The following CSE1L variants were observed in gnomAD, a reference collection of about 807,000 sequenced individuals.
The protein encoded by CSE1L is exportin-2.
CSE1L carries 24 observed loss-of-function variants against 120.4 expected under a neutral mutation model. The ratio of observed to expected loss-of-function variants is 0.20; its 90% CI spans 0.14 to 0.28. CSE1L has a LOEUF of 0.28. Among genes scored for constraint, CSE1L ranks in the 10% least tolerant of loss-of-function variants. The pLI is 1.00. For missense variants in CSE1L, 830 were observed against 1,145.2 expected (o/e 0.72, Z 3.97); for synonymous variants, 402 against 398.3 (o/e 1.01, Z -0.11).
intron 6 of CSE1L, among the ~76,000 whole-genome samples, chr20:49,067,570 T>C (rs2091902546): frequency 2.0e-5 from 3 of 152,158 alleles, no homozygotes; most frequent in Admixed American, 1.3e-4. Context: ...TTTTAAAGTA[T>C]GTGTCTCTAA....
Position 49,072,308 on chromosome 20 carries a change from T to C in CSE1L, c.791T>C (p.Leu264Ser). 6.2e-7 allele frequency: 1 copy of C among 1,614,168 alleles called. No homozygotes were observed. The highest frequency in any genetic ancestry group is 1.1e-5 in the South Asian group (1 of 91,088). The change falls in exon 9 of 25, where the codon TTG becomes TCG. Residue 264 changes from leucine (L) to serine (S), a missense_variant. Coordinates refer to ENST00000262982, the MANE Select transcript of CSE1L (RefSeq NM_001316.4). ...GAGGATGAAGAGGAAGCCGGCTTAT[T>C]GGAGCTCTTAAAATCCCAGATTTGT... ...QTDDEEEAGL[L>S]ELLKSQICDN... is the part of the protein sequence containing the mutation.
intron 5 of CSE1L, 28 bp from the exon 6 acceptor site, chr20:49,067,162 A>G (rs780113850): frequency 4.1e-6 from 6 of 1,459,576 alleles, no homozygotes; most frequent in Admixed American, 1.8e-5. Context: ...AAACTTGTAA[A>G]TTTATCTGTT....
chr20:49,076,213 G>T (rs1006241263), intron 12 of CSE1L, among the ~76,000 whole-genome samples: 1 of 152,010 alleles, frequency 6.6e-6, no homozygotes, highest in African/African-American at 2.4e-5. Flanking sequence ...TTGAGACGGA[G>T]TTTCGCTCTT....
At chr20:49,093,735 A>G (rs927144244) in intron 22 of CSE1L, among the ~76,000 whole-genome samples, 6 of 151,588 alleles carry the variant, frequency 4.0e-5, no homozygotes, top group Non-Finnish European at 8.8e-5. Context: ...TGGCCAACAC[A>G]ATGAAACCCC....
intron 6 of CSE1L, 138 bp from the exon 7 acceptor site, chr20:49,068,577 C>T (rs890127146): frequency 2.6e-5 from 15 of 586,736 alleles, no homozygotes; most frequent in South Asian, 4.4e-5. Flanking sequence ...CCAGCCTGGA[C>T]GACAGAGCAA....
In CSE1L at chr20:49,077,124, A is replaced by G. The variant is rs1489279990; in HGVS notation, c.1420+60A>G. The G allele has an allele frequency of 1.3e-5, 13 of 988,090 alleles. No individual in the cohort carries two copies. In the Admixed American group the frequency reaches 3.3e-4, roughly 25 times the overall value. The allele number at this position is 988,090 out of a possible 1,614,324, so 61.2% of individuals were successfully genotyped here. On this transcript the variant is annotated intron_variant, in intron 13 of 24. Coordinates refer to ENST00000262982, the MANE Select transcript of CSE1L (RefSeq NM_001316.4). ...GCCACACTATACCTGAATTCAAAAA[A>G]CAGCTTCCTATCCTTGTTCCCTTTT...
chr20:49,047,531 T>C (rs910462881), intron 1 of CSE1L, among the ~76,000 whole-genome samples: 6 of 150,784 alleles, frequency 4.0e-5, no homozygotes, highest in African/African-American at 1.5e-4. Context: ...CAACCTCTTC[T>C]TTTGTTTTCT....
At chr20:49,051,429 G>A (rs1285582442) in intron 1 of CSE1L, among the ~76,000 whole-genome samples, 1 of 152,240 alleles carries the variant, frequency 6.6e-6, no homozygotes, top group Non-Finnish European at 1.5e-5. Flanking sequence ...TGTAGTCCCA[G>A]CTACTTGGGA....
chr20:49,085,587 T>TTTTTTTTTTTTTTG (rs2092050001), intron 16 of CSE1L, among the ~76,000 whole-genome samples: 1 of 144,040 alleles, frequency 6.9e-6, no homozygotes, highest in Non-Finnish European at 1.5e-5. Flanking sequence ...TTTTTTTTTT[T>TTTTTTTTTTTTTTG]TTGAGATGGA....
intron 14 of CSE1L, among the ~76,000 whole-genome samples, chr20:49,079,945 A>G (rs1050946008): frequency 1.3e-5 from 2 of 152,142 alleles, no homozygotes; most frequent in Non-Finnish European, 2.9e-5. Flanking sequence ...GTGGTGGCAC[A>G]TGCCTATAAT....
At position 49,046,338 on chromosome 20, in the gene CSE1L, T is replaced by C. The variant is rs1206656680; in HGVS notation, c.-97T>C. ...TCGCGCCATTTTGCCGGGGTTTGAA[T>C]GTGAGGCGGAGCGGCGGCAGGAGCG... is the stretch of plus-strand genomic sequence containing the variant. On this transcript the variant is annotated 5_prime_UTR_variant, in exon 1 of 25. The change abolishes an upstream ATG in the 5' untranslated region. Coordinates refer to ENST00000262982, the MANE Select transcript of CSE1L (RefSeq NM_001316.4). 1 of 152,468 alleles carries C rather than the reference T, an allele frequency of 6.6e-6. No homozygotes were observed. Among genetic ancestry groups the C allele is most frequent in the Admixed American group, 6.5e-5 (1 of 15,292 alleles). The allele number at this position is 152,468 out of a possible 1,614,324, so 9.4% of individuals were successfully genotyped here. A position where few individuals can be genotyped will look rare whatever the true frequency, so the allele number is the denominator to read the frequency against.
chr20:49,060,592 A>G (rs190360966), intron 2 of CSE1L, among the ~76,000 whole-genome samples: 3 of 151,974 alleles, frequency 2.0e-5, no homozygotes, highest in East Asian at 1.9e-4. Context: ...CCTGGCCAAC[A>G]TGGTGAAACC....
chr20:49,052,790 GTGT>G (rs1422629454), intron 1 of CSE1L, among the ~76,000 whole-genome samples: 1 of 152,160 alleles, frequency 6.6e-6, no homozygotes, highest in African/African-American at 2.4e-5. Flanking sequence ...GGGTCTTGCT[GTGT>G]TAGCCCAGGC....
intron 14 of CSE1L, among the ~76,000 whole-genome samples, chr20:49,079,963 A>G (rs564678451): frequency 1.2e-4 from 18 of 152,178 alleles, no homozygotes; most frequent in Admixed American, 1.2e-3. Context: ...AATCCCATCT[A>G]CTCGGGAGGC....
chr20:49,065,586 A>ATTTTTTTTTT (rs1169151375), intron 3 of CSE1L, among the ~76,000 whole-genome samples: 949 of 76,310 alleles, frequency 0.012, 132 homozygotes, highest in East Asian at 0.051. Context: ...TAAAATGGAA[A>ATTTTTTTTTT]TTTTTTTTTT....
intron 14 of CSE1L, 57 bp downstream of exon 14, chr20:49,078,679 T>G: frequency 4.4e-6 from 5 of 1,128,864 alleles, no homozygotes; most frequent in Non-Finnish European, 5.0e-6. Context: ...TTTTATTATG[T>G]ACCACCTTCT....
At chr20:49,051,045 A>T (rs888542496) in intron 1 of CSE1L, among the ~76,000 whole-genome samples, 8 of 152,266 alleles carry the variant, frequency 5.3e-5, no homozygotes, top group African/African-American at 1.9e-4. Flanking sequence ...GGGAGAGAGC[A>T]GTGAACAAAG....
In CSE1L at chr20:49,065,313, A is replaced by AATT. The variant is rs775165525; in HGVS notation, c.229-879_229-878insATT. Among the ~76,000 whole-genome samples the AATT allele has an allele frequency of 1.9e-3, 100 of 52,100 alleles. 5 individuals are homozygous for AATT. The highest frequency in any genetic ancestry group is 6.1e-3 in the South Asian group (7 of 1,154). The allele number at this position is 52,100 out of a possible 152,430, so 34.2% of individuals were successfully genotyped here. A position where few individuals can be genotyped will look rare whatever the true frequency, so the allele number is the denominator to read the frequency against. ...AGTTTACATATGAAATGAAAAAAAA[A>AATT]TTTTTTTTTTTTTTTTTTTTTTTTT... On this transcript the variant is annotated intron_variant, in intron 3 of 24. Transcript: ENST00000262982.
chr20:49,048,493 A>G (rs2091739843), intron 1 of CSE1L, among the ~76,000 whole-genome samples: 1 of 152,184 alleles, frequency 6.6e-6, no homozygotes, highest in Non-Finnish European at 1.5e-5. Flanking sequence ...AGATAGTGAC[A>G]GAATTATGTG....
Sources: gnomAD v4.1 joint callset for allele counts (sites outside exome capture counted in the v4.1 genomes callset) on GRCh38, gnomAD v4.1.1 for gene constraint, MANE v1.5 for transcripts, NCBI Gene and HGNC (gene_info 2026-07-23, HGNC 2026-07-21) for gene names.